Variants in USP18 observed in about 807,000 individuals in gnomAD.
USP18 encodes the protein ubiquitin specific peptidase 18.
USP18 carries 11 observed loss-of-function variants against 48.7 expected under a neutral mutation model. The observed-to-expected ratio is 0.23, with a 90% CI of 0.14 to 0.37. The LOEUF (loss-of-function observed/expected upper bound fraction) is 0.37, where lower values mean the gene tolerates loss of function less well. Ranked by LOEUF, USP18 falls within the 10% of genes least tolerant of loss-of-function variation. The probability of loss-of-function intolerance (pLI) is 1.00; values close to 1 mark genes in which losing one functional copy is unlikely to be tolerated. For synonymous variants in USP18, 114 were observed against 163.2 expected (o/e 0.70, Z 2.30); for missense variants, 285 against 436.4 (o/e 0.65, Z 3.09).
intron 1 of USP18, among the ~76,000 whole-genome samples, chr22:18,154,363 GATAA>G (rs1248266626): frequency 1.3e-5 from 2 of 152,102 alleles, no homozygotes; most frequent in East Asian, 3.8e-4. Flanking sequence ...GCTGTGTAAG[GATAA>G]ATAAGACAGT....
At chr22:18,157,922 C>G in intron 2 of USP18, 102 bp downstream of exon 2, 1 of 1,456,454 alleles carries the variant, frequency 6.9e-7, no homozygotes, top group South Asian at 1.3e-5. Flanking sequence ...ACGGCTCATG[C>G]TTTCCTGTGC....
chr22:18,159,735 G>A (rs1321740234), intron 2 of USP18, among the ~76,000 whole-genome samples: 1 of 149,156 alleles, frequency 6.7e-6, no homozygotes, highest in Non-Finnish European at 1.5e-5. Flanking sequence ...GAGTGCAGTG[G>A]CGTGATCTTG....
rs9618221 is a variant in USP18, at chr22:18,157,630, C to G, written c.-34C>G. Reference sequence around the variant, plus strand: ...CGTGCTGTCCTGAACGCGGGCCAGGCAGCTGCGGCCTGGGGGTTTTGGAGT... The same window carrying G: ...CGTGCTGTCCTGAACGCGGGCCAGGGAGCTGCGGCCTGGGGGTTTTGGAGT... On this transcript the variant is annotated 5_prime_UTR_variant, in exon 2 of 11. Coordinates refer to ENST00000215794, the MANE Select transcript of USP18 (RefSeq NM_017414.4). 3,775 of 1,613,214 alleles carry G rather than the reference C, an allele frequency of 2.3e-3. 64 individuals carry two copies. In the African/African-American group the frequency reaches 0.043, roughly 18 times the overall value.
intron 9 of USP18, among the ~76,000 whole-genome samples, 166 bp from the exon 10 acceptor site, chr22:18,173,627 C>A (rs1295443347): frequency 6.6e-6 from 1 of 152,188 alleles, no homozygotes; most frequent in Non-Finnish European, 1.5e-5. Context: ...GACAAGGGCA[C>A]TAAACATACT....
At chr22:18,172,465 G>A (rs1929656729) in intron 8 of USP18, among the ~76,000 whole-genome samples, 1 of 152,052 alleles carries the variant, frequency 6.6e-6, no homozygotes, top group South Asian at 2.1e-4. Context: ...TCCAAACAAC[G>A]CCTACACTTG....
intron 1 of USP18, among the ~76,000 whole-genome samples, chr22:18,157,337 C>T (rs62229509): frequency 0.077 from 11,794 of 152,240 alleles, 578 homozygotes; most frequent in South Asian, 0.11. Flanking sequence ...AGGGCGCTCC[C>T]GGTTAGGATT....
At chr22:18,158,210 C>A (rs1483218381) in intron 2 of USP18, among the ~76,000 whole-genome samples, 1 of 152,108 alleles carries the variant, frequency 6.6e-6, no homozygotes, top group African/African-American at 2.4e-5. Context: ...ATTGCTTGAA[C>A]CTGGGCGGCA....
intron 2 of USP18, 31 bp downstream of exon 2, chr22:18,157,851 T>C (rs779653253): frequency 6.2e-7 from 1 of 1,612,868 alleles, no homozygotes; most frequent in South Asian, 1.1e-5. Context: ...TTCCTCTTCT[T>C]GACTGCATGT....
At chr22:18,175,745 C>T (rs1175047669) in intron 10 of USP18, among the ~76,000 whole-genome samples, 3 of 147,898 alleles carry the variant, frequency 2.0e-5, no homozygotes, top group South Asian at 4.2e-4. Context: ...GAGGCCGAGG[C>T]AGGAGGATCA....
intron 6 of USP18, 35 bp downstream of exon 6, chr22:18,168,071 A>C (rs548383728): frequency 1.2e-6 from 2 of 1,611,020 alleles, no homozygotes; most frequent in African/African-American, 2.7e-5. Context: ...CTGCCCCTGT[A>C]TGTGTTAGTC....
intron 9 of USP18, among the ~76,000 whole-genome samples, 167 bp from the exon 10 acceptor site, chr22:18,173,626 A>T (rs78726332): frequency 6.6e-6 from 1 of 152,190 alleles, no homozygotes; most frequent in Non-Finnish European, 1.5e-5. Context: ...GGACAAGGGC[A>T]CTAAACATAC....
intron 10 of USP18, among the ~76,000 whole-genome samples, chr22:18,175,042 T>C (rs1199503773): frequency 2.6e-5 from 4 of 152,072 alleles, no homozygotes; most frequent in Non-Finnish European, 5.9e-5. Context: ...GCCTCCTGAG[T>C]AGCTGGGATT....
At position 18,172,118 on chromosome 22, in the gene USP18, C is replaced by G. The variant is rs374929228; in HGVS notation, c.892-1032C>G. On this transcript the variant is annotated intron_variant, in intron 8 of 10. Transcript: ENST00000215794. ...ATCTTTGCAACAACAACAAAAAAGA[C>G]TTTGTTATGGAACATTACAAATAGA... Among the ~76,000 whole-genome samples the G allele has an allele frequency of 4.6e-5, 7 of 152,140 alleles. No homozygotes were observed. The South Asian group carries it at 1.2e-3, about 27-fold the overall frequency.
chr22:18,157,064 C>T (rs940986380), intron 1 of USP18, among the ~76,000 whole-genome samples: 2 of 152,236 alleles, frequency 1.3e-5, no homozygotes, highest in African/African-American at 4.8e-5. Context: ...GTGCCTAAGG[C>T]CGACAGGTAG....
chr22:18,150,911 G>A (rs5993015), intron 1 of USP18, among the ~76,000 whole-genome samples: 60,536 of 152,134 alleles, frequency 0.4, 13,167 homozygotes, highest in African/African-American at 0.57. Flanking sequence ...AGATCGCACC[G>A]TTGCACTCCA....
At chr22:18,155,616 G>A (rs1929110769) in intron 1 of USP18, among the ~76,000 whole-genome samples, 1 of 151,744 alleles carries the variant, frequency 6.6e-6, no homozygotes, top group South Asian at 2.1e-4. Flanking sequence ...CCCGCACTCG[G>A]AGCGGCCAGC....
At chr22:18,152,487 G>T (rs1199448350) in intron 1 of USP18, among the ~76,000 whole-genome samples, 2 of 151,830 alleles carry the variant, frequency 1.3e-5, no homozygotes, top group Non-Finnish European at 2.9e-5. Context: ...TTCAGGTAGG[G>T]TGGGAGCTAA....
chr22:18,173,030 C>G lies in USP18; in HGVS notation c.892-120C>G, dbSNP rs944217811. 28 of 1,540,612 alleles carry G rather than the reference C, an allele frequency of 1.8e-5. 1 individual carries two copies. In the African/African-American group the frequency reaches 2.0e-4, roughly 11 times the overall value. ...TGGAGGGTGCCCACTGGCTGTGGGT[C>G]GGGACTGTTTTCTAATATTCTAAAG... On this transcript the variant is annotated intron_variant, in intron 8 of 10. Coordinates refer to ENST00000215794, the MANE Select transcript of USP18 (RefSeq NM_017414.4).
chr22:18,159,924 G>T (rs1445649867), intron 2 of USP18, among the ~76,000 whole-genome samples: 1 of 151,756 alleles, frequency 6.6e-6, no homozygotes, highest in East Asian at 1.9e-4. Flanking sequence ...TGATCTGCCC[G>T]CCTCGGCCTC....
Sources: gnomAD v4.1 joint callset for allele counts (sites outside exome capture counted in the v4.1 genomes callset) on GRCh38, gnomAD v4.1.1 for gene constraint, MANE v1.5 for transcripts, NCBI Gene and HGNC (gene_info 2026-07-23, HGNC 2026-07-21) for gene names.